CRMP1: variants seen among roughly 807,000 people sequenced by gnomAD.
The protein encoded by CRMP1 is dihydropyrimidinase-related protein 1.
A neutral mutation model predicts 68.3 loss-of-function variants in CRMP1; 19 were observed. That is an observed-to-expected ratio of 0.28 (90% CI 0.19 to 0.41). The LOEUF (loss-of-function observed/expected upper bound fraction) is 0.41. Ranked by LOEUF, CRMP1 falls within the 10% of genes least tolerant of loss-of-function variation. CRMP1 has a pLI of 1.00. For synonymous variants in CRMP1, 439 were observed against 399.6 expected (o/e 1.10, Z -1.18); for missense variants, 791 against 967.4 (o/e 0.82, Z 2.42).
At position 5,866,717 on chromosome 4, in the gene CRMP1, C is replaced by A. The variant is rs545458583; in HGVS notation, c.421G>T (p.Asp141Tyr). ...ACGTCAGCATAAAGGGATTGGTCAT[C>A]GTTGATGATCCGTCCACCTTTGATG... ...LLIKGGRIIN[D>Y]DQSLYADVYL... The change falls in exon 2 of 14, where the codon GAT becomes TAT. Residue 141 changes from aspartate to tyrosine, a missense_variant. Physicochemically the swap from Asp to Tyr is radical, Grantham distance 160 (BLOSUM62 -3). Transcript: ENST00000324989. This position sits in a 1 kb window ranked among gnomAD's most constrained non-coding sequence, Gnocchi z 5.9. The A allele has an allele frequency of 2.3e-5, 37 of 1,612,964 alleles. No homozygotes were observed. The South Asian group carries it at 3.7e-4, about 16-fold the overall frequency.
chr4:5,893,059 G>T lies in CRMP1; in HGVS notation c.-90C>A. On this transcript the variant is annotated 5_prime_UTR_variant, in exon 1 of 14. Coordinates refer to ENST00000324989, the MANE Select transcript of CRMP1 (RefSeq NM_001014809.3). ...TGCGCCGCGCTCCGCGCCTCGGTGC[G>T]GGCCTGCGGCGGCCCGGGCGCGACT... The T allele has an allele frequency of 1.1e-6, 1 of 900,288 alleles. No individual in the cohort carries two copies. Among genetic ancestry groups the T allele is most frequent in the Non-Finnish European group, 1.3e-6 (1 of 749,980 alleles). The allele number at this position is 900,288 out of a possible 1,614,324, so 55.8% of individuals were successfully genotyped here.
chr4:5,887,890 G>A, intron 1 of CRMP1: 1 of 785,250 alleles, frequency 1.3e-6, no homozygotes, highest in Non-Finnish European at 1.6e-6. Context: ...GCGGGGAGGG[G>A]GTTCGGACCC....
Position 5,855,183 on chromosome 4 carries a change from G to T in CRMP1, c.820+960C>A, listed in dbSNP as rs6827963. Among the ~76,000 whole-genome samples, 105,200 of 152,194 alleles carry T rather than the reference G, an allele frequency of 0.69. 36,633 individuals are homozygous for T. The highest frequency in any genetic ancestry group is 0.81 in the East Asian group (4,184 of 5,176). Reference sequence around the variant, plus strand: ...ACAGGGAATGGAAAGCAATAATCCTGCACATTTAGAGTAAATTGTGATTGG... The same window carrying T: ...ACAGGGAATGGAAAGCAATAATCCTTCACATTTAGAGTAAATTGTGATTGG... On this transcript the variant is annotated intron_variant, in intron 4 of 13. Transcript: ENST00000324989. This position sits in a 1 kb window ranked among gnomAD's most constrained non-coding sequence, Gnocchi z 4.9.
chr4:5,824,221 G>T, intron 13 of CRMP1: 1 of 882,790 alleles, frequency 1.1e-6, no homozygotes, highest in Non-Finnish European at 1.4e-6. Context: ...CTTGTGTCTT[G>T]TTGCACCCAG....
At chr4:5,830,789 T>C (rs1451565598) in intron 11 of CRMP1, among the ~76,000 whole-genome samples, 1 of 152,202 alleles carries the variant, frequency 6.6e-6, no homozygotes, top group Non-Finnish European at 1.5e-5. Context: ...TCAGCTACTC[T>C]CACATTTCTC....
In CRMP1 at chr4:5,836,786, C is replaced by G. The variant is rs12331; in HGVS notation, c.1431G>C (p.Thr477=). The G allele has an allele frequency of 0.47, 758,973 of 1,613,844 alleles. 186,161 individuals are homozygous for G. The highest frequency in any genetic ancestry group is 0.87 in the African/African-American group (64,929 of 75,010). The change falls in exon 10 of 14, where the codon ACG becomes ACC. Residue 477 remains threonine, a synonymous_variant. Transcript: ENST00000324989. ...EGVNGIEERM[T]VVWDKAVATG... ...TTACCACCGCCTTGTCCCAGACGAC[C>G]GTCATCCGCTCCTCTATCCCGTTGA...
intron 1 of CRMP1, among the ~76,000 whole-genome samples, chr4:5,884,911 C>T (rs951452668): frequency 6.6e-6 from 1 of 151,410 alleles, no homozygotes; most frequent in African/African-American, 2.4e-5. Context: ...GAGCCACACC[C>T]AGGATGCTCT....
At position 5,827,622 on chromosome 4, in the gene CRMP1, A is replaced by G. The variant is rs559522525; in HGVS notation, c.1803+867T>C. Among the ~76,000 whole-genome samples, 1,025 of 150,140 alleles carry G rather than the reference A, an allele frequency of 6.8e-3. 7 individuals are homozygous for G. The highest frequency in any genetic ancestry group is 0.023 in the African/African-American group (896 of 39,664). On this transcript the variant is annotated intron_variant, in intron 12 of 13. Coordinates refer to ENST00000324989, the MANE Select transcript of CRMP1 (RefSeq NM_001014809.3). ...CACATGCTCGCATACACACACGCGC[A>G]CACACACACACTCCAACACACGCAC...
rs144099215 is a variant in CRMP1 at position 5,860,976 on chromosome 4, G to A, written c.655+50C>T. On this transcript the variant is annotated intron_variant, in intron 3 of 13. Transcript: ENST00000324989. This position sits in a 1 kb window ranked among gnomAD's most constrained non-coding sequence, Gnocchi z 4.2. ...GAGCACTTGTGATGCTGGTGATGGG[G>A]AGGAGACCTCACAGTCTATGTCCCT... 161 of 1,569,516 alleles carry A rather than the reference G, an allele frequency of 1.0e-4. No individual in the cohort carries two copies. The African/African-American group carries it at 1.9e-3, about 19-fold the overall frequency.
chr4:5,843,555 C>T lies in CRMP1; in HGVS notation c.964-394G>A, dbSNP rs1577774984. Among the ~76,000 whole-genome samples, 1 of 152,172 alleles carries T rather than the reference C, an allele frequency of 6.6e-6. No homozygotes were observed. Among genetic ancestry groups the T allele is most frequent in the Admixed American group, 6.5e-5 (1 of 15,276 alleles). On this transcript the variant is annotated intron_variant, in intron 6 of 13. Transcript: ENST00000324989. This position sits in a 1 kb window ranked among gnomAD's most constrained non-coding sequence, Gnocchi z 4.1. ...GATATCTTCAACTAGGAATCCTACT[C>T]TAGTCTTTGATGTTGAAATCAAAGA...
rs59152465 is a variant in CRMP1, at chr4:5,891,212, A to ACACACACC, written c.381+1376_381+1377insGGTGTGTG. Among the ~76,000 whole-genome samples the ACACACACC allele has an allele frequency of 3.2e-3, 465 of 147,228 alleles. 5 individuals carry two copies. The highest frequency in any genetic ancestry group is 9.1e-3 in the African/African-American group (354 of 39,078). ...CACACACACACACACACACACACACACCCTTGCTGTTGGACCTCTCCCTCG... is the reference window on the plus strand; with the variant it reads ...CACACACACACACACACACACACACACACACACCCCCTTGCTGTTGGACCTCTCCCTCG... On this transcript the variant is annotated intron_variant, in intron 1 of 13. Transcript: ENST00000324989. This position sits in a 1 kb window ranked among gnomAD's most constrained non-coding sequence, Gnocchi z 5.2.
chr4:5,866,763 A>G lies in CRMP1; in HGVS notation c.382-7T>C. On this transcript the variant is annotated splice_polypyrimidine_tract_variant and splice_region_variant and intron_variant, in intron 1 of 13. Coordinates refer to ENST00000324989, the MANE Select transcript of CRMP1 (RefSeq NM_001014809.3). This position sits in a 1 kb window ranked among gnomAD's most constrained non-coding sequence, Gnocchi z 5.9. ...TGATGAGGAGTCGGTCACTCTGCAAAGCAAGGCAAAGTATTAAGGATCCTT... is the reference window on the plus strand; with the variant it reads ...TGATGAGGAGTCGGTCACTCTGCAAGGCAAGGCAAAGTATTAAGGATCCTT... The G allele has an allele frequency of 6.2e-7, 1 of 1,603,396 alleles. No homozygotes were observed.
intron 1 of CRMP1, among the ~76,000 whole-genome samples, chr4:5,885,725 A>T (rs778651209): frequency 3.3e-5 from 5 of 152,072 alleles, no homozygotes; most frequent in Non-Finnish European, 7.4e-5. Context: ...CACTTCACTA[A>T]CACTTCAGGC....
chr4:5,878,802 TA>T (rs2152473691), intron 1 of CRMP1, among the ~76,000 whole-genome samples: 1 of 151,954 alleles, frequency 6.6e-6, no homozygotes, highest in Admixed American at 6.5e-5. Context: ...CACAGTGCCT[TA>T]TTTTTTTTTT....
chr4:5,862,835 GTC>G (rs1713681459), intron 2 of CRMP1, among the ~76,000 whole-genome samples: 1 of 152,128 alleles, frequency 6.6e-6, no homozygotes, highest in South Asian at 2.1e-4. Flanking sequence ...TGGAGATAGG[GTC>G]TCTGTCAGCC....
intron 9 of CRMP1, among the ~76,000 whole-genome samples, chr4:5,837,138 T>A (rs1281654706): frequency 6.6e-6 from 1 of 152,330 alleles, no homozygotes; most frequent in East Asian, 1.9e-4. Flanking sequence ...TGTGCTGACA[T>A]TTGTCTTCTT....
At position 5,889,554 on chromosome 4, in the gene CRMP1, G is replaced by A; in HGVS notation, c.381+3035C>T. 6.5e-7 allele frequency: 1 copy of A among 1,534,534 alleles called. No homozygotes were observed. The highest frequency in any genetic ancestry group is 8.7e-7 in the Non-Finnish European group (1 of 1,145,492). On this transcript the variant is annotated intron_variant, in intron 1 of 13. Coordinates refer to ENST00000324989, the MANE Select transcript of CRMP1 (RefSeq NM_001014809.3). This position sits in a 1 kb window ranked among gnomAD's most constrained non-coding sequence, Gnocchi z 4.5. ...AAAGATGAAAGAAGATGGAGGAAAA[G>A]GGGGAGCCCCAGCAAGCCCCAACCT...
At chr4:5,867,259 A>G (rs1714061623) in intron 1 of CRMP1, among the ~76,000 whole-genome samples, 1 of 152,192 alleles carries the variant, frequency 6.6e-6, no homozygotes, top group South Asian at 2.1e-4. Flanking sequence ...TGTAGTTGGA[A>G]GGTTTGAACC....
At chr4:5,824,694 C>T (rs1719261819) in intron 13 of CRMP1, 1 of 983,772 alleles carries the variant, frequency 1.0e-6, no homozygotes, top group Non-Finnish European at 1.2e-6. Flanking sequence ...TGCCTCTTAG[C>T]TTACAAAGCC....
Sources: allele counts gnomAD v4.1 joint callset (sites outside exome capture counted in the v4.1 genomes callset), GRCh38; gene constraint gnomAD v4.1.1; non-coding constraint Gnocchi (gnomAD v3.1); transcripts MANE v1.5; gene names NCBI Gene and HGNC (gene_info 2026-07-23, HGNC 2026-07-21).